CTNNA3: variants seen among roughly 807,000 people sequenced by gnomAD.
CTNNA3 encodes the protein catenin alpha-3.
A neutral mutation model predicts 95.7 loss-of-function variants in CTNNA3; 76 were observed. The ratio of observed to expected loss-of-function variants is 0.79; its 90% CI spans 0.66 to 0.96. The LOEUF (loss-of-function observed/expected upper bound fraction) is 0.96, where lower values mean the gene tolerates loss of function less well. Ranked by LOEUF, CTNNA3 falls within the 40% of genes least tolerant of loss-of-function variation. The probability of loss-of-function intolerance (pLI) is 0.00; values close to 1 mark genes in which losing one functional copy is unlikely to be tolerated. For missense variants in CTNNA3, 1,191 were observed against 1,089.8 expected (o/e 1.09, Z -1.31); for synonymous variants, 431 against 374.4 (o/e 1.15, Z -1.74).
At chr10:66,626,014 C>T (rs752987375) in intron 9 of CTNNA3, among the ~76,000 whole-genome samples, 16 of 152,098 alleles carry the variant, frequency 1.1e-4, no homozygotes, top group Non-Finnish European at 2.1e-4. Context: ...AAAAGATCTA[C>T]CATACTATAG....
At chr10:66,350,360 G>C (rs1417065061) in intron 12 of CTNNA3, among the ~76,000 whole-genome samples, 1 of 152,086 alleles carries the variant, frequency 6.6e-6, no homozygotes, top group Non-Finnish European at 1.5e-5. Context: ...TTTGCTCTGA[G>C]AAAGAGAAAT....
intron 7 of CTNNA3, among the ~76,000 whole-genome samples, chr10:67,126,416 A>C (rs1859723640): frequency 6.6e-6 from 1 of 150,874 alleles, no homozygotes; most frequent in Non-Finnish European, 1.5e-5. Context: ...AATCCCAGCT[A>C]CTCGGGAGAC....
At chr10:66,185,261 T>G (rs1244590193) in intron 13 of CTNNA3, among the ~76,000 whole-genome samples, 3 of 151,988 alleles carry the variant, frequency 2.0e-5, no homozygotes, top group African/African-American at 4.8e-5. Context: ...GTAGATAGAG[T>G]TGGAGGATGG....
At chr10:67,025,148 G>C (rs868666013) in intron 7 of CTNNA3, among the ~76,000 whole-genome samples, 16 of 136,576 alleles carry the variant, frequency 1.2e-4, no homozygotes, top group African/African-American at 4.6e-4. Context: ...AAAAAAAAAA[G>C]AAAGAAAGGA....
chr10:67,005,682 C>CTTTTTTTTTTTTT (rs11369576), intron 7 of CTNNA3, among the ~76,000 whole-genome samples: 5,283 of 61,632 alleles, frequency 0.086, 1,702 homozygotes, highest in Admixed American at 0.11. Context: ...TTTACTCCAT[C>CTTTTTTTTTTTTT]TTTTTTTTTT....
intron 17 of CTNNA3, among the ~76,000 whole-genome samples, chr10:65,959,092 G>T (rs2077789394): frequency 6.6e-6 from 1 of 152,186 alleles, no homozygotes; most frequent in Non-Finnish European, 1.5e-5. Flanking sequence ...CTCAGCAATG[G>T]CAGACGCCCC....
chr10:66,512,940 T>C (rs1052449944), intron 11 of CTNNA3, among the ~76,000 whole-genome samples: 9 of 151,914 alleles, frequency 5.9e-5, no homozygotes, highest in Non-Finnish European at 8.8e-5. Context: ...AGAATTCCCT[T>C]TTTGTCTTTA....
At chr10:67,727,180 TTATA>T (rs977099463) in intron 1 of CTNNA3, among the ~76,000 whole-genome samples, 2 of 125,574 alleles carry the variant, frequency 1.6e-5, no homozygotes, top group African/African-American at 6.0e-5. Flanking sequence ...GATACATATA[TTATA>T]TATATTATGT....
intron 15 of CTNNA3, among the ~76,000 whole-genome samples, chr10:66,022,650 A>G (rs1446652006): frequency 6.6e-6 from 1 of 151,288 alleles, no homozygotes; most frequent in African/African-American, 2.4e-5. Context: ...CACACACCAA[A>G]AGCAACCAAG....
At chr10:67,009,515 T>C (rs1852195561) in intron 7 of CTNNA3, among the ~76,000 whole-genome samples, 1 of 152,070 alleles carries the variant, frequency 6.6e-6, no homozygotes, top group African/African-American at 2.4e-5. Context: ...TAGATATTTT[T>C]TCAGGCTTTT....
chr10:66,646,924 A>G (rs1239619383), intron 9 of CTNNA3, among the ~76,000 whole-genome samples: 1 of 152,168 alleles, frequency 6.6e-6, no homozygotes, highest in African/African-American at 2.4e-5. Context: ...AAAACTTCAG[A>G]GAAAAATGGG....
intron 10 of CTNNA3, among the ~76,000 whole-genome samples, chr10:66,591,985 A>G (rs998825170): frequency 2.0e-5 from 3 of 152,060 alleles, no homozygotes; most frequent in African/African-American, 7.2e-5. Flanking sequence ...AATTGCAGTC[A>G]AGCAAATTTG....
intron 15 of CTNNA3, among the ~76,000 whole-genome samples, chr10:66,055,645 C>T (rs762508795): frequency 4.6e-5 from 7 of 152,008 alleles, no homozygotes; most frequent in Non-Finnish European, 7.4e-5. Flanking sequence ...AAAAATCGGC[C>T]GGGCGTGATG....
chr10:66,406,451 A>G (rs1259127267), intron 11 of CTNNA3, among the ~76,000 whole-genome samples: 1 of 152,164 alleles, frequency 6.6e-6, no homozygotes, highest in Admixed American at 6.5e-5. Flanking sequence ...TTCCAAGGAA[A>G]TTTTCAAAAT....
chr10:66,799,391 T>C (rs2132228825), intron 7 of CTNNA3, among the ~76,000 whole-genome samples: 1 of 151,760 alleles, frequency 6.6e-6, no homozygotes. Context: ...AAACATACAG[T>C]ATTTCCACAG....
intron 14 of CTNNA3, among the ~76,000 whole-genome samples, chr10:66,070,111 G>T (rs182449169): frequency 6.6e-6 from 1 of 151,970 alleles, no homozygotes; most frequent in Non-Finnish European, 1.5e-5. Flanking sequence ...TTTTCATTTT[G>T]TTTGTATTTT....
chr10:65,952,982 C>CA (rs1412244378), intron 17 of CTNNA3, among the ~76,000 whole-genome samples: 3 of 152,036 alleles, frequency 2.0e-5, no homozygotes, highest in Admixed American at 6.6e-5. Context: ...TGAGCAGTAC[C>CA]AAAAAAATGC....
At chr10:66,835,771 A>T (rs4631768) in intron 7 of CTNNA3, among the ~76,000 whole-genome samples, 3,861 of 152,160 alleles carry the variant, frequency 0.025, 152 homozygotes, top group African/African-American at 0.088. Flanking sequence ...TCCCTCAATC[A>T]CCTAGCTCTT....
chr10:66,719,965 GA>G (rs34116066), intron 9 of CTNNA3, among the ~76,000 whole-genome samples: 1 of 152,116 alleles, frequency 6.6e-6, no homozygotes, highest in Non-Finnish European at 1.5e-5. Flanking sequence ...GCAAGTGAAA[GA>G]AAAGGGTAAA....
Sources: gnomAD v4.1 joint callset for allele counts (sites outside exome capture counted in the v4.1 genomes callset) on GRCh38, gnomAD v4.1.1 for gene constraint, MANE v1.5 for transcripts, NCBI Gene and HGNC (gene_info 2026-07-23, HGNC 2026-07-21) for gene names.